The following ROBO2 variants were observed in gnomAD, a reference collection of about 807,000 sequenced individuals.
ROBO2 encodes the protein roundabout homolog 2.
A neutral mutation model predicts 160.8 loss-of-function variants in ROBO2; 53 were observed. The ratio of observed to expected loss-of-function variants is 0.33; its 90% confidence interval spans 0.26 to 0.41. ROBO2 has a LOEUF of 0.41. Ranked by LOEUF, ROBO2 falls within the 10% of genes least tolerant of loss-of-function variation. The probability of loss-of-function intolerance (pLI) is 1.00; values close to 1 mark genes in which losing one functional copy is unlikely to be tolerated. For synonymous variants in ROBO2, 664 were observed against 611.7 expected, an observed-to-expected ratio of 1.09 and a Z score of -1.26; for missense variants, 1,577 against 1,722.4, an observed-to-expected ratio of 0.92 and a Z score of 1.49.
intron 2 of ROBO2, among the ~76,000 whole-genome samples, chr3:77,118,983 T>C (rs2074472848): frequency 6.6e-6 from 1 of 152,048 alleles, no homozygotes; most frequent in South Asian, 2.1e-4. Flanking sequence ...ACTTGGGGAG[T>C]AAGGGACCTG....
intron 1 of ROBO2, among the ~76,000 whole-genome samples, chr3:77,063,627 G>T (rs1170071880): frequency 1.3e-5 from 2 of 152,100 alleles, no homozygotes; most frequent in African/African-American, 4.8e-5. Context: ...CTTACGTTAG[G>T]CTACTTCGTG....
At chr3:77,113,819 GA>G (rs1391770387) in intron 2 of ROBO2, among the ~76,000 whole-genome samples, 2 of 152,176 alleles carry the variant, frequency 1.3e-5, no homozygotes, top group African/African-American at 2.4e-5. Flanking sequence ...TTTCTCATAA[GA>G]AATGAATATA....
At chr3:77,145,212 T>C (rs1262107552) in intron 2 of ROBO2, among the ~76,000 whole-genome samples, 2 of 152,192 alleles carry the variant, frequency 1.3e-5, no homozygotes, top group African/African-American at 4.8e-5. Context: ...TACATTTTTA[T>C]GGGAGTCCAA....
At chr3:76,694,632 A>C (rs1002478715) in intron 2 of ROBO2, among the ~76,000 whole-genome samples, 2 of 152,208 alleles carry the variant, frequency 1.3e-5, no homozygotes, top group South Asian at 2.1e-4. Flanking sequence ...TTGTAAAAAA[A>C]GGGTATCTTT....
At chr3:77,163,346 A>C (rs746869145) in intron 2 of ROBO2, among the ~76,000 whole-genome samples, 5 of 152,196 alleles carry the variant, frequency 3.3e-5, no homozygotes, top group African/African-American at 4.8e-5. Context: ...ATGTTACATA[A>C]ATCATTCAGA....
At chr3:76,945,976 C>A (rs112631273) in intron 2 of ROBO2, among the ~76,000 whole-genome samples, 1,715 of 152,160 alleles carry the variant, frequency 0.011, 29 homozygotes, top group African/African-American at 0.037. Context: ...TTGTTGCATG[C>A]CTTTTAATAG....
chr3:77,294,833 A>G (rs62251176), intron 2 of ROBO2, among the ~76,000 whole-genome samples: 1,469 of 135,072 alleles, frequency 0.011, 22 homozygotes, highest in African/African-American at 0.031. Context: ...AAGTAAAATT[A>G]ATGGTTAAAC....
intron 2 of ROBO2, among the ~76,000 whole-genome samples, chr3:75,946,202 A>G (rs1241398129): frequency 1.3e-5 from 2 of 152,128 alleles, no homozygotes; most frequent in Non-Finnish European, 2.9e-5. Context: ...TGAAGACACA[A>G]AATGATGTAC....
At chr3:76,848,847 G>A (rs1324980651) in intron 2 of ROBO2, among the ~76,000 whole-genome samples, 2 of 152,118 alleles carry the variant, frequency 1.3e-5, no homozygotes, top group Non-Finnish European at 2.9e-5. Flanking sequence ...ACGAATATTG[G>A]GGGAGACACA....
intron 1 of ROBO2, among the ~76,000 whole-genome samples, chr3:75,933,062 A>T (rs1947614996): frequency 6.6e-6 from 1 of 152,190 alleles, no homozygotes; most frequent in South Asian, 2.1e-4. Context: ...GAATTTACTA[A>T]GGTCAAAAAG....
At chr3:76,462,804 T>C (rs191195350) in intron 2 of ROBO2, among the ~76,000 whole-genome samples, 1 of 152,140 alleles carries the variant, frequency 6.6e-6, no homozygotes, top group Admixed American at 6.6e-5. Flanking sequence ...GTCAGAAGAG[T>C]TTGTAAGTCA....
chr3:76,002,133 T>C (rs1461667061), intron 2 of ROBO2, among the ~76,000 whole-genome samples: 1 of 152,184 alleles, frequency 6.6e-6, no homozygotes, highest in Non-Finnish European at 1.5e-5. Context: ...GCTGTGAATG[T>C]GACCTTGTAT....
intron 2 of ROBO2, among the ~76,000 whole-genome samples, chr3:76,960,339 T>A (rs972476476): frequency 6.6e-6 from 1 of 152,156 alleles, no homozygotes; most frequent in Non-Finnish European, 1.5e-5. Flanking sequence ...TGTCTTTTTA[T>A]ATTTCCTATT....
chr3:77,263,875 C>A (rs1370597378), intron 2 of ROBO2, among the ~76,000 whole-genome samples: 1 of 152,192 alleles, frequency 6.6e-6, no homozygotes, highest in Non-Finnish European at 1.5e-5. Flanking sequence ...CATGCACACA[C>A]ACACACATAG....
At chr3:76,617,693 T>C (rs1009872577) in intron 2 of ROBO2, among the ~76,000 whole-genome samples, 4 of 152,150 alleles carry the variant, frequency 2.6e-5, no homozygotes, top group Non-Finnish European at 4.4e-5. Context: ...TAAAGACCTA[T>C]AGACCACCTG....
chr3:77,036,579 G>C (rs1442455557), upstream of ROBO2, among the ~76,000 whole-genome samples: 1 of 151,742 alleles, frequency 6.6e-6, no homozygotes, highest in African/African-American at 2.4e-5. Flanking sequence ...CCCAAATTAG[G>C]GATAATGACA....
chr3:76,871,506 A>G (rs2072070009), intron 2 of ROBO2, among the ~76,000 whole-genome samples: 1 of 148,334 alleles, frequency 6.7e-6, no homozygotes, highest in African/African-American at 2.5e-5. Flanking sequence ...GTGAGCCGAG[A>G]TCCCGCCACT....
intron 2 of ROBO2, among the ~76,000 whole-genome samples, chr3:76,879,143 C>T (rs1466031967): frequency 6.6e-6 from 1 of 152,070 alleles, no homozygotes; most frequent in African/African-American, 2.4e-5. Context: ...TGTAAACGTT[C>T]ATTGCTCTAC....
intron 2 of ROBO2, among the ~76,000 whole-genome samples, chr3:76,239,955 T>C (rs41348146): frequency 2.0e-5 from 3 of 151,836 alleles, no homozygotes; most frequent in South Asian, 2.1e-4. Context: ...TGCAGGCACG[T>C]TGGGAGTGAA....
Sources: allele counts gnomAD v4.1 joint callset (sites outside exome capture counted in the v4.1 genomes callset), GRCh38; gene constraint gnomAD v4.1.1; transcripts MANE v1.5; gene names NCBI Gene and HGNC (gene_info 2026-07-23, HGNC 2026-07-21).